Variants in EYS observed in about 807,000 individuals in gnomAD.
The protein encoded by EYS is protein eyes shut homolog.
EYS carries 250 observed loss-of-function variants against 282.1 expected under a neutral mutation model. That is an observed-to-expected ratio of 0.89 (90% confidence interval 0.80 to 0.98). The LOEUF is 0.98. Ranked by LOEUF, EYS falls within the 50% of genes least tolerant of loss-of-function variation. EYS has a pLI of 0.00. For missense variants in EYS, 4,016 were observed against 3,709.0 expected (o/e 1.08, Z -2.15); for synonymous variants, 1,355 against 1,282.9 (o/e 1.06, Z -1.20).
intron 2 of EYS, among the ~76,000 whole-genome samples, chr6:65,603,063 C>T (rs1765666159): frequency 6.6e-6 from 1 of 151,890 alleles, no homozygotes; most frequent in Non-Finnish European, 1.5e-5. Context: ...GATACAAATA[C>T]TCTAAATAAT....
At chr6:65,546,161 G>T (rs1384651876) in intron 2 of EYS, among the ~76,000 whole-genome samples, 1 of 149,370 alleles carries the variant, frequency 6.7e-6, no homozygotes, top group Non-Finnish European at 1.5e-5. Context: ...TGGGACCACA[G>T]GAGCACATGA....
chr6:65,544,030 G>GTGTGT, intron 2 of EYS, among the ~76,000 whole-genome samples: 1 of 108,908 alleles, frequency 9.2e-6, no homozygotes. Flanking sequence ...GTGTGTGTGT[G>GTGTGT]AGAGAGAGAG....
intron 24 of EYS, among the ~76,000 whole-genome samples, chr6:64,613,091 CA>C (rs1185421515): frequency 2.6e-5 from 4 of 152,126 alleles, no homozygotes; most frequent in Non-Finnish European, 4.4e-5. Context: ...GTTCTTTACA[CA>C]GATTGCATGT....
intron 12 of EYS, among the ~76,000 whole-genome samples, chr6:65,252,657 T>C (rs956099711): frequency 2.0e-5 from 3 of 152,034 alleles, no homozygotes; most frequent in African/African-American, 7.2e-5. Flanking sequence ...ATGTCGAATT[T>C]ATCTGACAAA....
intron 2 of EYS, among the ~76,000 whole-genome samples, chr6:65,592,834 G>A (rs1217335722): frequency 6.6e-6 from 1 of 151,960 alleles, no homozygotes; most frequent in Non-Finnish European, 1.5e-5. Flanking sequence ...TCATTGAGCA[G>A]TACAACATGT....
At chr6:64,775,561 T>C (rs1188471604) in intron 22 of EYS, among the ~76,000 whole-genome samples, 1 of 151,998 alleles carries the variant, frequency 6.6e-6, no homozygotes, top group Non-Finnish European at 1.5e-5. Context: ...TAGGAAAAAA[T>C]CAAACATTTC....
At chr6:65,679,681 T>C (rs1402288957) in intron 1 of EYS, among the ~76,000 whole-genome samples, 2 of 151,980 alleles carry the variant, frequency 1.3e-5, no homozygotes, top group Non-Finnish European at 2.9e-5. Context: ...TAATAAGATA[T>C]ATTTCATGTT....
intron 35 of EYS, among the ~76,000 whole-genome samples, chr6:63,955,470 T>G (rs552986005): frequency 3.3e-5 from 5 of 152,106 alleles, no homozygotes; most frequent in Non-Finnish European, 7.4e-5. Flanking sequence ...TCACTCTTAT[T>G]CTCGTTCCCA....
chr6:65,008,643 T>C (rs1376353945), intron 13 of EYS, among the ~76,000 whole-genome samples: 1 of 152,168 alleles, frequency 6.6e-6, no homozygotes, highest in Admixed American at 6.5e-5. Context: ...CCATACCCCT[T>C]ATGTCAAGGG....
chr6:65,038,725 G>C (rs1266918524), intron 13 of EYS, among the ~76,000 whole-genome samples: 2 of 151,346 alleles, frequency 1.3e-5, no homozygotes, highest in Non-Finnish European at 3.0e-5. Context: ...GTGAGACTTT[G>C]AGTTACTTCA....
chr6:65,011,673 C>T (rs546595383), intron 13 of EYS, among the ~76,000 whole-genome samples: 12 of 152,206 alleles, frequency 7.9e-5, no homozygotes, highest in East Asian at 1.9e-4. Flanking sequence ...TTTCCTAGGC[C>T]GACTAAGAAT....
At chr6:64,840,831 C>T (rs1765541361) in intron 19 of EYS, among the ~76,000 whole-genome samples, 1 of 152,022 alleles carries the variant, frequency 6.6e-6, no homozygotes, top group East Asian at 1.9e-4. Context: ...CAGTTTTCAG[C>T]ACACACATAC....
chr6:65,430,107 G>T (rs796082363), intron 5 of EYS, among the ~76,000 whole-genome samples: 18 of 152,298 alleles, frequency 1.2e-4, no homozygotes, highest in African/African-American at 4.3e-4. Context: ...GGTAGAGCAA[G>T]ATGGCAGAAT....
In EYS at chr6:64,936,441, T is replaced by C. The variant is rs150592298; in HGVS notation, c.2381+9352A>G. ...AAGTTCAACATTGTACTGGAAGTTG[T>C]TGGGATAATTAAACATAAAACAGAA... On this transcript the variant is annotated intron_variant, in intron 15 of 42. Coordinates refer to ENST00000503581, the MANE Select transcript of EYS (RefSeq NM_001142800.2). 5.3e-5 allele frequency among the ~76,000 whole-genome samples: 8 copies of C among 151,588 alleles called. No homozygotes were observed. In the East Asian group the frequency reaches 1.4e-3, roughly 26 times the overall value.
At chr6:65,020,684 G>T (rs1772224248) in intron 13 of EYS, among the ~76,000 whole-genome samples, 1 of 152,268 alleles carries the variant, frequency 6.6e-6, no homozygotes, top group South Asian at 2.1e-4. Flanking sequence ...TCTGTGTGGG[G>T]GCTCCAACCC....
chr6:65,377,755 A>AAAAAC (rs1255260952), intron 8 of EYS, among the ~76,000 whole-genome samples: 13 of 152,260 alleles, frequency 8.5e-5, no homozygotes, highest in African/African-American at 2.4e-4. Context: ...ACCTCTATGC[A>AAAAAC]AAAACAAAAC....
At chr6:64,923,646 A>G (rs915289884) in intron 15 of EYS, among the ~76,000 whole-genome samples, 1 of 152,184 alleles carries the variant, frequency 6.6e-6, no homozygotes, top group African/African-American at 2.4e-5. Context: ...TCCTAGATAC[A>G]GTGGGGGTAC....
At chr6:65,399,703 T>C (rs542201701) in intron 7 of EYS, among the ~76,000 whole-genome samples, 2 of 152,214 alleles carry the variant, frequency 1.3e-5, no homozygotes, top group South Asian at 2.1e-4. Context: ...TATATTTACG[T>C]GGAAAGTTTT....
chr6:64,730,419 T>C (rs577678523), intron 22 of EYS, among the ~76,000 whole-genome samples: 1 of 152,298 alleles, frequency 6.6e-6, no homozygotes, highest in African/African-American at 2.4e-5. Flanking sequence ...TTTGCCAACA[T>C]GGGATAAGGA....
Sources: allele counts gnomAD v4.1 joint callset (sites outside exome capture counted in the v4.1 genomes callset), GRCh38; gene constraint gnomAD v4.1.1; transcripts MANE v1.5; gene names NCBI Gene and HGNC (gene_info 2026-07-23, HGNC 2026-07-21).